Variants in FOXN3 observed in about 807,000 individuals in gnomAD.
The protein encoded by FOXN3 is forkhead box protein N3.
A neutral mutation model predicts 38.4 loss-of-function variants in FOXN3; 7 were observed. The observed-to-expected ratio is 0.18, with a 90% CI of 0.10 to 0.34. The LOEUF is 0.34. Ranked by LOEUF, FOXN3 falls within the 10% of genes least tolerant of loss-of-function variation. The probability of loss-of-function intolerance (pLI) is 1.00; values close to 1 mark genes in which losing one functional copy is unlikely to be tolerated. For missense variants in FOXN3, 456 were observed against 613.4 expected (o/e 0.74, Z 2.71); for synonymous variants, 230 against 242.2 (o/e 0.95, Z 0.47).
At position 89,159,336 on chromosome 14, in the gene FOXN3, T is replaced by C. The variant is rs1447248292; in HGVS notation, c.*3078A>G. 1 of 152,442 alleles carries C rather than the reference T, an allele frequency of 6.6e-6. No individual in the cohort carries two copies. The highest frequency in any genetic ancestry group is 1.5e-5 in the Non-Finnish European group (1 of 68,008). The allele number at this position is 152,442 out of a possible 1,614,324, so 9.4% of individuals were successfully genotyped here. ...TATGCCTCCAAAAACAGAAGAAAAA[T>C]AGGAAGAAGTACCCTCACTAAAGGT... is the stretch of plus-strand genomic sequence containing the variant. On this transcript the variant is annotated 3_prime_UTR_variant, in exon 6 of 6. Transcript: ENST00000557258.
chr14:89,234,728 T>C (rs986187729), intron 4 of FOXN3, among the ~76,000 whole-genome samples: 9 of 151,230 alleles, frequency 6.0e-5, no homozygotes, highest in African/African-American at 2.2e-4. Context: ...GGAGAAGATC[T>C]TTATTTTTCA....
At chr14:89,438,826 C>A (rs2140119232) in intron 1 of FOXN3, among the ~76,000 whole-genome samples, 1 of 151,892 alleles carries the variant, frequency 6.6e-6, no homozygotes, top group East Asian at 1.9e-4. Context: ...TGCAATGGCG[C>A]AATCTCGGCC....
intron 1 of FOXN3, among the ~76,000 whole-genome samples, chr14:89,603,265 T>TA (rs1367719860): frequency 3.9e-5 from 6 of 152,234 alleles, no homozygotes; most frequent in African/African-American, 1.2e-4. Context: ...GACAGAGTCC[T>TA]AAAATGCCAA....
chr14:89,472,537 G>A (rs984113735), intron 1 of FOXN3, among the ~76,000 whole-genome samples: 2 of 151,976 alleles, frequency 1.3e-5, no homozygotes, highest in Non-Finnish European at 2.9e-5. Flanking sequence ...TGGCTAACAT[G>A]GTGAAACCCC....
intron 1 of FOXN3, among the ~76,000 whole-genome samples, chr14:89,496,106 G>A (rs972256164): frequency 3.3e-5 from 5 of 152,088 alleles, no homozygotes; most frequent in Admixed American, 1.3e-4. Flanking sequence ...CCAGCTACTC[G>A]GGAGGCTGAG....
chr14:89,417,114 G>A lies in FOXN3; in HGVS notation c.-258C>T, dbSNP rs965644276. On this transcript the variant is annotated 5_prime_UTR_variant, in exon 1 of 6. Transcript: ENST00000557258. ...CGGGCGCGCCGCGCGTCCTCCCGCC[G>A]GCCCCGCCGCTCTCCCCGCCCCGTC... 9 of 144,614 alleles carry A rather than the reference G, an allele frequency of 6.2e-5. No individual in the cohort carries two copies. The highest frequency in any genetic ancestry group is 2.1e-4 in the South Asian group (1 of 4,752). 9.0% of individuals were successfully genotyped at this position (144,614 alleles called of 1,614,324 possible).
At chr14:89,512,296 C>T (rs756128581) in intron 1 of FOXN3, among the ~76,000 whole-genome samples, 30 of 152,176 alleles carry the variant, frequency 2.0e-4, no homozygotes, top group Middle Eastern at 6.8e-3. Context: ...AAAACGCATA[C>T]GAATAATTAT....
chr14:89,390,378 AT>A (rs1383841240), intron 2 of FOXN3, among the ~76,000 whole-genome samples: 3 of 147,498 alleles, frequency 2.0e-5, no homozygotes, highest in Non-Finnish European at 3.0e-5. Flanking sequence ...AATACATATA[AT>A]TTTTTAAGTA....
At chr14:89,460,855 C>A (rs971628132) in intron 1 of FOXN3, among the ~76,000 whole-genome samples, 39 of 149,502 alleles carry the variant, frequency 2.6e-4, no homozygotes, top group African/African-American at 9.4e-4. Flanking sequence ...CATGGAGAAA[C>A]CCCACCTCTA....
intron 3 of FOXN3, among the ~76,000 whole-genome samples, chr14:89,297,744 A>G (rs1208314434): frequency 6.6e-6 from 1 of 152,112 alleles, no homozygotes; most frequent in Non-Finnish European, 1.5e-5. Flanking sequence ...TTGGGAGGCC[A>G]AGGCAGGAGA....
intron 5 of FOXN3, among the ~76,000 whole-genome samples, chr14:89,166,383 CAG>C (rs1411786925): frequency 6.6e-6 from 1 of 152,072 alleles, no homozygotes; most frequent in Non-Finnish European, 1.5e-5. Context: ...CTGTGTGGGG[CAG>C]AGTTTCCGGT....
chr14:89,398,906 C>G (rs1368846237), intron 2 of FOXN3, among the ~76,000 whole-genome samples: 1 of 152,236 alleles, frequency 6.6e-6, no homozygotes, highest in Admixed American at 6.5e-5. Context: ...ATCGCTTGAA[C>G]CCAGGAGGCG....
intron 3 of FOXN3, among the ~76,000 whole-genome samples, chr14:89,336,310 G>C (rs138498552): frequency 6.6e-6 from 1 of 151,196 alleles, no homozygotes; most frequent in Non-Finnish European, 1.5e-5. Context: ...CAATTTCCAT[G>C]GCTCTCCCTC....
intron 4 of FOXN3, among the ~76,000 whole-genome samples, chr14:89,238,026 T>G (rs1257710616): frequency 6.6e-6 from 1 of 152,226 alleles, no homozygotes; most frequent in Non-Finnish European, 1.5e-5. Context: ...TCAGTGTATT[T>G]CCAACTACCT....
At chr14:89,247,578 G>A (rs557672958) in intron 4 of FOXN3, among the ~76,000 whole-genome samples, 4 of 152,256 alleles carry the variant, frequency 2.6e-5, no homozygotes, top group Admixed American at 1.3e-4. Flanking sequence ...GAGGTCTAGT[G>A]CACAGTCAAC....
At chr14:89,298,074 T>A (rs1019562651) in intron 3 of FOXN3, among the ~76,000 whole-genome samples, 1 of 152,092 alleles carries the variant, frequency 6.6e-6, no homozygotes, top group Non-Finnish European at 1.5e-5. Context: ...GATGGATGCA[T>A]GGATAGACAA....
chr14:89,280,531 G>C (rs976295058), intron 4 of FOXN3, among the ~76,000 whole-genome samples: 1 of 152,164 alleles, frequency 6.6e-6, no homozygotes, highest in African/African-American at 2.4e-5. Context: ...GCACCTCCAT[G>C]ATGATACAAG....
chr14:89,536,956 C>T (rs866041246), intron 1 of FOXN3, among the ~76,000 whole-genome samples: 1 of 152,236 alleles, frequency 6.6e-6, no homozygotes, highest in South Asian at 2.1e-4. Context: ...GGCATGACCC[C>T]TTGATTATAT....
chr14:89,259,564 T>C lies in FOXN3; in HGVS notation c.745+21386A>G, dbSNP rs190898799. On this transcript the variant is annotated intron_variant, in intron 4 of 5. Transcript: ENST00000557258. Reference sequence around the variant, plus strand: ...TCTGCACTTCCTTTAAAAAATAAAATAAAATAAGATAAAAAATAAAACCTC... The same window carrying C: ...TCTGCACTTCCTTTAAAAAATAAAACAAAATAAGATAAAAAATAAAACCTC... 1.1e-4 allele frequency among the ~76,000 whole-genome samples: 16 copies of C among 152,268 alleles called. 1 individual carries two copies. In the East Asian group the frequency reaches 3.1e-3, roughly 29 times the overall value.
Sources: allele counts gnomAD v4.1 joint callset (sites outside exome capture counted in the v4.1 genomes callset), GRCh38; gene constraint gnomAD v4.1.1; transcripts MANE v1.5; gene names NCBI Gene and HGNC (gene_info 2026-07-23, HGNC 2026-07-21).